Variants in COA1 observed in about 807,000 individuals in gnomAD.
COA1 encodes cytochrome c oxidase assembly factor 1 homolog.
Under a neutral mutation model 16.0 loss-of-function variants are expected in COA1, and 13 were observed. That is an observed-to-expected ratio of 0.81 (90% confidence interval 0.53 to 1.29). The LOEUF is 1.29. Ranked by LOEUF, COA1 falls within the 50% of genes most tolerant of loss-of-function variation. The probability of loss-of-function intolerance (pLI) is 0.00; values close to 1 mark genes in which losing one functional copy is unlikely to be tolerated. For synonymous variants in COA1, 65 were observed against 65.7 expected, an observed-to-expected ratio of 0.99 and a Z score of 0.05; for missense variants, 179 against 177.0, an observed-to-expected ratio of 1.01 and a Z score of -0.06.
intron 1 of COA1, among the ~76,000 whole-genome samples, chr7:43,673,434 C>T (rs2093367882): frequency 6.6e-6 from 1 of 152,014 alleles, no homozygotes; most frequent in Non-Finnish European, 1.5e-5. Context: ...AAATGAAAAC[C>T]ACAATGAGAT....
chr7:43,656,334 TTAAAAA>T (rs1290777398), intron 1 of COA1, among the ~76,000 whole-genome samples: 17 of 152,196 alleles, frequency 1.1e-4, no homozygotes, highest in Admixed American at 9.8e-4. Context: ...AAAGAAAGAC[TTAAAAA>T]TAGAAGACTT....
chr7:43,619,904 T>C (rs1287468611), intron 6 of COA1, among the ~76,000 whole-genome samples: 5 of 152,214 alleles, frequency 3.3e-5, no homozygotes, highest in East Asian at 1.9e-4. Flanking sequence ...AGATACCAAA[T>C]TGGTGATCTC....
intron 1 of COA1, among the ~76,000 whole-genome samples, chr7:43,668,186 T>G (rs1156619692): frequency 1.3e-5 from 2 of 152,182 alleles, no homozygotes; most frequent in Non-Finnish European, 2.9e-5. Flanking sequence ...TGAACAGAGA[T>G]CTTAACCTGT....
intron 1 of COA1, among the ~76,000 whole-genome samples, chr7:43,727,000 T>G (rs995168927): frequency 1.3e-5 from 2 of 152,196 alleles, no homozygotes; most frequent in African/African-American, 4.8e-5. Flanking sequence ...GTTAGGAGAT[T>G]TTTAATGGTC....
intron 6 of COA1, chr7:43,623,320 T>C (rs1359124536): frequency 2.5e-6 from 1 of 403,384 alleles, no homozygotes; most frequent in Non-Finnish European, 4.4e-6. Flanking sequence ...TTGGTGTTTT[T>C]AAAATATTTA....
intron 1 of COA1, among the ~76,000 whole-genome samples, chr7:43,687,235 T>C (rs2094078781): frequency 6.6e-6 from 1 of 152,208 alleles, no homozygotes; most frequent in African/African-American, 2.4e-5. Flanking sequence ...TTCATTCATA[T>C]TCCAACTTGT....
At chr7:43,618,588 G>C (rs1034005724) in intron 6 of COA1, among the ~76,000 whole-genome samples, 5 of 152,174 alleles carry the variant, frequency 3.3e-5, no homozygotes, top group African/African-American at 1.2e-4. Context: ...CATTAAGTGA[G>C]GACCCTTTAT....
At chr7:43,628,222 C>T (rs10464234) in intron 6 of COA1, among the ~76,000 whole-genome samples, 12,952 of 152,110 alleles carry the variant, frequency 0.085, 649 homozygotes, top group East Asian at 0.18. Flanking sequence ...GAACTCCTGA[C>T]CTCAAGTGAT....
chr7:43,718,961 C>T (rs2095449141), intron 1 of COA1, among the ~76,000 whole-genome samples: 1 of 132,326 alleles, frequency 7.6e-6, no homozygotes, highest in African/African-American at 2.9e-5. Context: ...ATTCAATCTA[C>T]CAGGAATCTA....
intron 1 of COA1, among the ~76,000 whole-genome samples, chr7:43,713,915 C>G (rs542693007): frequency 6.6e-6 from 1 of 151,950 alleles, no homozygotes; most frequent in Non-Finnish European, 1.5e-5. Context: ...GGCGCACACC[C>G]ATAATCCCAG....
intron 1 of COA1, among the ~76,000 whole-genome samples, chr7:43,714,825 T>C (rs1174652098): frequency 1.3e-5 from 2 of 151,512 alleles, no homozygotes; most frequent in South Asian, 2.1e-4. Context: ...CTGGCCAACA[T>C]GGTGAAATCT....
chr7:43,712,207 G>A (rs1044582589), intron 1 of COA1, among the ~76,000 whole-genome samples: 7 of 152,032 alleles, frequency 4.6e-5, no homozygotes, highest in African/African-American at 7.2e-5. Context: ...CCACCTCCCG[G>A]GTTCAAGTGA....
At chr7:43,630,177 AACCCCC>A (rs944813998) in intron 6 of COA1, among the ~76,000 whole-genome samples, 1 of 152,174 alleles carries the variant, frequency 6.6e-6, no homozygotes, top group Non-Finnish European at 1.5e-5. Flanking sequence ...AAAGTTTGCC[AACCCCC>A]AGGCAATTAT....
At chr7:43,683,428 C>A (rs1223435144) in intron 1 of COA1, among the ~76,000 whole-genome samples, 1 of 151,946 alleles carries the variant, frequency 6.6e-6, no homozygotes, top group African/African-American at 2.4e-5. Flanking sequence ...GTCAGGAGAT[C>A]AAGACCATCC....
intron 4 of COA1, among the ~76,000 whole-genome samples, chr7:43,644,598 C>T (rs1248886745): frequency 6.6e-6 from 1 of 151,722 alleles, no homozygotes; most frequent in Non-Finnish European, 1.5e-5. Context: ...ATGATCATAA[C>T]TCATTGCAGC....
chr7:43,721,421 A>C (rs2095503169), intron 1 of COA1, among the ~76,000 whole-genome samples: 1 of 152,204 alleles, frequency 6.6e-6, no homozygotes, highest in Non-Finnish European at 1.5e-5. Flanking sequence ...GGAAGAGATA[A>C]CTAGCCAAAT....
At chr7:43,680,853 TGCAGCTA>T (rs2093736788) in intron 1 of COA1, among the ~76,000 whole-genome samples, 1 of 151,974 alleles carries the variant, frequency 6.6e-6, no homozygotes, top group Non-Finnish European at 1.5e-5. Context: ...TGCCTGTAGT[TGCAGCTA>T]CTCGGGAGGC....
intron 6 of COA1, chr7:43,624,742 GAC>G: frequency 6.2e-7 from 1 of 1,613,888 alleles, no homozygotes; most frequent in Non-Finnish European, 8.5e-7. Flanking sequence ...GGACAATGCA[GAC>G]AGTCTGAAAA....
chr7:43,721,768 T>C (rs1167998366), intron 1 of COA1, among the ~76,000 whole-genome samples: 1 of 152,056 alleles, frequency 6.6e-6, no homozygotes, highest in Admixed American at 6.6e-5. Flanking sequence ...AAGTTTATTT[T>C]ACTGTACGGT....
Sources: allele counts gnomAD v4.1 joint callset (sites outside exome capture counted in the v4.1 genomes callset), GRCh38; gene constraint gnomAD v4.1.1; transcripts MANE v1.5; gene names NCBI Gene and HGNC (gene_info 2026-07-23, HGNC 2026-07-21).